MDGA2: variants seen among roughly 807,000 people sequenced by gnomAD.
MDGA2 encodes the protein MAM domain-containing glycosylphosphatidylinositol anchor protein 2.
MDGA2 carries 40 observed loss-of-function variants against 117.8 expected under a neutral mutation model. The observed-to-expected ratio is 0.34, with a 90% CI of 0.26 to 0.44. MDGA2 has a LOEUF of 0.44. Among genes scored for constraint, MDGA2 ranks in the 20% least tolerant of loss-of-function variants. MDGA2 has a pLI of 1.00. For synonymous variants in MDGA2, 452 were observed against 439.0 expected, an observed-to-expected ratio of 1.03 and a Z score of -0.37; for missense variants, 1,123 against 1,250.6, an observed-to-expected ratio of 0.90 and a Z score of 1.54.
At chr14:47,356,499 G>C (rs537403049) in intron 1 of MDGA2, among the ~76,000 whole-genome samples, 9 of 152,268 alleles carry the variant, frequency 5.9e-5, no homozygotes, top group African/African-American at 2.2e-4. Flanking sequence ...CTGTCTGAAT[G>C]TTGAATATGC....
intron 1 of MDGA2, among the ~76,000 whole-genome samples, chr14:47,560,072 ATT>A (rs74632367): frequency 3.6e-5 from 5 of 140,236 alleles, no homozygotes; most frequent in African/African-American, 2.6e-5. Context: ...TTATCTTAGG[ATT>A]TTTTTTTTTT....
chr14:47,113,792 C>T (rs1881174543), intron 5 of MDGA2, among the ~76,000 whole-genome samples: 1 of 152,080 alleles, frequency 6.6e-6, no homozygotes, highest in Non-Finnish European at 1.5e-5. Context: ...AAACTCACAG[C>T]CAATATCATA....
chr14:47,410,082 T>C (rs1427155783), intron 1 of MDGA2, among the ~76,000 whole-genome samples: 1 of 152,160 alleles, frequency 6.6e-6, no homozygotes, highest in African/African-American at 2.4e-5. Context: ...CCAACTACCA[T>C]TTGTTGTCTT....
intron 1 of MDGA2, among the ~76,000 whole-genome samples, chr14:47,532,124 A>C (rs575074033): frequency 3.3e-5 from 5 of 152,298 alleles, no homozygotes; most frequent in Admixed American, 6.5e-5. Context: ...GACTCTTATA[A>C]TTGCATCAAA....
At chr14:47,359,208 G>T (rs967206861) in intron 1 of MDGA2, among the ~76,000 whole-genome samples, 21 of 152,082 alleles carry the variant, frequency 1.4e-4, no homozygotes, top group African/African-American at 5.1e-4. Flanking sequence ...GCAAAAATTA[G>T]CTGGGCGTGG....
chr14:47,075,878 AT>A (rs1890471836), intron 6 of MDGA2, among the ~76,000 whole-genome samples: 1 of 152,186 alleles, frequency 6.6e-6, no homozygotes, highest in Admixed American at 6.5e-5. Flanking sequence ...CCCTCCAGTG[AT>A]AACAGTGGAC....
At chr14:47,382,539 G>A (rs1272987499) in intron 1 of MDGA2, among the ~76,000 whole-genome samples, 1 of 152,156 alleles carries the variant, frequency 6.6e-6, no homozygotes, top group East Asian at 1.9e-4. Context: ...CAAAAAGTGG[G>A]TGAAGGATAT....
intron 5 of MDGA2, among the ~76,000 whole-genome samples, chr14:47,099,456 G>C (rs1362967145): frequency 6.6e-6 from 1 of 151,858 alleles, no homozygotes; most frequent in East Asian, 1.9e-4. Context: ...TGAATCATTT[G>C]CTAATTTGGG....
At chr14:47,221,930 C>G (rs953147286) in intron 2 of MDGA2, among the ~76,000 whole-genome samples, 1 of 151,900 alleles carries the variant, frequency 6.6e-6, no homozygotes, top group Non-Finnish European at 1.5e-5. Flanking sequence ...TTGACAATTT[C>G]ATCTCCTCGA....
chr14:47,009,008 T>C (rs1887805686), intron 8 of MDGA2, among the ~76,000 whole-genome samples: 1 of 151,982 alleles, frequency 6.6e-6, no homozygotes, highest in African/African-American at 2.4e-5. Context: ...ATATTCCCAT[T>C]GCCCAACTCA....
At chr14:46,909,093 C>T (rs753150698) in intron 10 of MDGA2, among the ~76,000 whole-genome samples, 43 of 152,252 alleles carry the variant, frequency 2.8e-4, no homozygotes, top group Non-Finnish European at 4.3e-4. Flanking sequence ...CCAAACTATA[C>T]GCTTCATGAG....
intron 1 of MDGA2, among the ~76,000 whole-genome samples, chr14:47,535,597 C>T (rs1046570755): frequency 6.6e-6 from 1 of 152,030 alleles, no homozygotes; most frequent in South Asian, 2.1e-4. Context: ...GAGTGCATTT[C>T]AATAATAAAG....
chr14:47,553,281 A>G (rs1489522923), intron 1 of MDGA2, among the ~76,000 whole-genome samples: 1 of 152,244 alleles, frequency 6.6e-6, no homozygotes, highest in African/African-American at 2.4e-5. Context: ...TTCTGGCAAC[A>G]AGAAAAGTGT....
At chr14:47,457,989 A>G (rs775064175) in intron 1 of MDGA2, among the ~76,000 whole-genome samples, 14 of 142,878 alleles carry the variant, frequency 9.8e-5, no homozygotes, top group South Asian at 2.4e-4. Flanking sequence ...TATCTTTTCC[A>G]TAAGATGTCT....
chr14:47,638,556 T>C (rs1897364877), intron 1 of MDGA2, among the ~76,000 whole-genome samples: 1 of 152,194 alleles, frequency 6.6e-6, no homozygotes. Flanking sequence ...GCACCATTAC[T>C]CCGACTAAAA....
intron 9 of MDGA2, 28 bp downstream of exon 9, chr14:46,957,346 T>A (rs771212176): frequency 1.3e-6 from 2 of 1,599,750 alleles, no homozygotes; most frequent in Admixed American, 1.7e-5. Flanking sequence ...AAACAAAATG[T>A]ATAAAAAGAA....
At chr14:47,207,940 A>G (rs1885746890) in intron 3 of MDGA2, among the ~76,000 whole-genome samples, 2 of 152,044 alleles carry the variant, frequency 1.3e-5, no homozygotes, top group South Asian at 4.1e-4. Context: ...AAGACGTATT[A>G]AATTTTTCCC....
At chr14:47,409,665 T>C (rs1892330937) in intron 1 of MDGA2, among the ~76,000 whole-genome samples, 1 of 152,170 alleles carries the variant, frequency 6.6e-6, no homozygotes, top group South Asian at 2.1e-4. Context: ...GCCACTTCCC[T>C]CAGAAGCTGT....
intron 1 of MDGA2, among the ~76,000 whole-genome samples, chr14:47,506,804 CAGA>C (rs1249055317): frequency 6.6e-6 from 1 of 152,090 alleles, no homozygotes; most frequent in African/African-American, 2.4e-5. Flanking sequence ...CATTTGAGGT[CAGA>C]AGGTGTGAAG....
Sources: gnomAD v4.1 joint callset for allele counts (sites outside exome capture counted in the v4.1 genomes callset) on GRCh38, gnomAD v4.1.1 for gene constraint, MANE v1.5 for transcripts, NCBI Gene and HGNC (gene_info 2026-07-23, HGNC 2026-07-21) for gene names.